FGD2: variants seen among roughly 807,000 people sequenced by gnomAD.
FGD2 encodes the protein FYVE, RhoGEF and PH domain containing 2.
Under a neutral mutation model 75.9 loss-of-function variants are expected in FGD2, and 52 were observed. The ratio of observed to expected loss-of-function variants is 0.69; its 90% confidence interval spans 0.55 to 0.86. The LOEUF (loss-of-function observed/expected upper bound fraction) is 0.86. Among genes scored for constraint, FGD2 ranks in the 40% least tolerant of loss-of-function variants. The pLI, the probability that FGD2 is intolerant of heterozygous loss-of-function variation, is 0.00. For synonymous variants in FGD2, 347 were observed against 348.6 expected, an observed-to-expected ratio of 1.00 and a Z score of 0.05; for missense variants, 790 against 872.0, an observed-to-expected ratio of 0.91 and a Z score of 1.18.
At chr6:37,027,774 C>G in intron 15 of FGD2, 174 bp from the exon 16 acceptor site, 1 of 1,018,050 alleles carries the variant, frequency 9.8e-7, no homozygotes, top group Non-Finnish European at 1.4e-6. Context: ...CTGCTTTGCC[C>G]TCAGAGGCAG....
rs763857898 is a variant in FGD2 at position 37,011,064 on chromosome 6, A to C, written c.378+14A>C. On this transcript the variant is annotated intron_variant, in intron 3 of 15. Transcript: ENST00000274963. ...CTGCTAGACCAGGCCAGTGACCAGG[A>C]CACCCCCCTCTAGAGCCCCAGCCCT... 1 of 1,613,648 alleles carries C rather than the reference A, an allele frequency of 6.2e-7. No individual in the cohort carries two copies. The highest frequency in any genetic ancestry group is 8.5e-7 in the Non-Finnish European group (1 of 1,179,670).
At chr6:37,024,761 T>C (rs1224398987) in intron 13 of FGD2, 1 of 152,246 alleles carries the variant, frequency 6.6e-6, no homozygotes, top group African/African-American at 2.4e-5. Context: ...TGGGTTTCTC[T>C]TGCCTGTGCA....
chr6:37,014,349 A>G lies in FGD2; in HGVS notation c.823+249A>G, dbSNP rs893647377. On this transcript the variant is annotated intron_variant, in intron 6 of 15. Transcript: ENST00000274963. ...AGAACTGGGATTTGAACCCATGCCTATGTGATACCAAAGCCCATGCTCCTT... is the reference window on the plus strand; with the variant it reads ...AGAACTGGGATTTGAACCCATGCCTGTGTGATACCAAAGCCCATGCTCCTT... 7.0e-5 allele frequency: 43 copies of G among 617,000 alleles called. No individual in the cohort carries two copies. In the African/African-American group the frequency reaches 7.6e-4, roughly 11 times the overall value. The allele number at this position is 617,000 out of a possible 1,614,324, so 38.2% of individuals were successfully genotyped here.
At chr6:37,014,767 C>T (rs1765195568) in intron 7 of FGD2, 63 bp downstream of exon 7, 3 of 1,610,642 alleles carry the variant, frequency 1.9e-6, no homozygotes, top group South Asian at 2.2e-5. Context: ...CCTGGTCCCA[C>T]CCATGACACC....
At chr6:37,020,888 ATGTG>A (rs58421270) in intron 11 of FGD2, 149 bp downstream of exon 11, 824 of 695,992 alleles carry the variant, frequency 1.2e-3, no homozygotes, top group Admixed American at 1.2e-3. Flanking sequence ...GTATGTATGC[ATGTG>A]TGTGTGTGTG....
intron 9 of FGD2, among the ~76,000 whole-genome samples, chr6:37,020,332 A>G (rs1447480940): frequency 2.0e-5 from 3 of 152,104 alleles, no homozygotes; most frequent in South Asian, 2.1e-4. Flanking sequence ...TCCAGGAGCC[A>G]TAGGTTCCAT....
chr6:37,022,084 C>T (rs1301891994), intron 12 of FGD2, 155 bp from the exon 13 acceptor site: 23 of 1,017,600 alleles, frequency 2.3e-5, no homozygotes, highest in African/African-American at 3.3e-5. Flanking sequence ...CATAAGGTCT[C>T]GATCAGGTCA....
intron 14 of FGD2, 79 bp downstream of exon 14, chr6:37,026,017 C>G (rs1765805526): frequency 2.6e-6 from 4 of 1,548,532 alleles, no homozygotes; most frequent in African/African-American, 2.7e-5. Flanking sequence ...TGGGCTGACA[C>G]TGTCCAGTGC....
chr6:37,022,112 G>GC lies in FGD2; in HGVS notation c.1327-123dup. ...TCAGGTCAGTCAGCTTGCTGTAGAA[G>GC]CCCCAGGGAAGCCCAACACAAAGAA... is the stretch of plus-strand genomic sequence containing the variant. On this transcript the variant is annotated intron_variant, in intron 12 of 15. Transcript: ENST00000274963. 3 of 1,307,026 alleles carry GC rather than the reference G, an allele frequency of 2.3e-6. No individual in the cohort carries two copies. The Admixed American group carries it at 9.0e-5, about 39-fold the overall frequency. The allele number at this position is 1,307,026 out of a possible 1,614,324, so 81.0% of individuals were successfully genotyped here. A position where few individuals can be genotyped will look rare whatever the true frequency, so the allele number is the denominator to read the frequency against.
chr6:37,014,265 G>A (rs918047910), intron 6 of FGD2, 165 bp downstream of exon 6: 9 of 854,708 alleles, frequency 1.1e-5, no homozygotes, highest in African/African-American at 1.0e-4. Context: ...CACAGATGAG[G>A]ACACTAAGGC....
intron 14 of FGD2, 122 bp downstream of exon 14, chr6:37,026,060 C>T: frequency 6.8e-7 from 1 of 1,475,648 alleles, no homozygotes; most frequent in Non-Finnish European, 9.0e-7. Flanking sequence ...CACACCCTCC[C>T]CCCTCTCCCT....
intron 1 of FGD2, 126 bp downstream of exon 1, chr6:37,006,011 G>A (rs1017921254): frequency 1.2e-5 from 13 of 1,055,958 alleles, no homozygotes; most frequent in East Asian, 7.7e-5. Context: ...CGCGTTCCTC[G>A]GTCACGGATT....
At chr6:37,018,492 C>T (rs1381128947) in intron 9 of FGD2, among the ~76,000 whole-genome samples, 1 of 152,204 alleles carries the variant, frequency 6.6e-6, no homozygotes, top group East Asian at 1.9e-4. Context: ...ACTCCCTGGC[C>T]TCCTCCTTCC....
Position 37,018,908 on chromosome 6 carries a change from C to T in FGD2, c.1123-1633C>T, listed in dbSNP as rs1050840349. Reference sequence around the variant, plus strand: ...ATGGACTAGCAGGGGACTGAATTGACCTAGCCCTGGGGAAAGTGGTTGAGG... The same window carrying T: ...ATGGACTAGCAGGGGACTGAATTGATCTAGCCCTGGGGAAAGTGGTTGAGG... On this transcript the variant is annotated intron_variant, in intron 9 of 15. Transcript: ENST00000274963. 5.3e-5 allele frequency among the ~76,000 whole-genome samples: 8 copies of T among 152,308 alleles called. No individual in the cohort carries two copies. The South Asian group carries it at 8.3e-4, about 16-fold the overall frequency.
chr6:37,021,497 C>T lies in FGD2; in HGVS notation c.1234-15C>T, dbSNP rs374808411. The stretch of plus-strand genomic sequence containing the variant: ...CACACCTCAAGCCCCGACCCTCCCC[C>T]TCCCTGCACCCCAGGCCTTCCAAGC... On this transcript the variant is annotated splice_polypyrimidine_tract_variant and intron_variant, in intron 11 of 15. Coordinates refer to ENST00000274963, the MANE Select transcript of FGD2 (RefSeq NM_173558.4). 4 of 1,610,708 alleles carry T rather than the reference C, an allele frequency of 2.5e-6. No individual in the cohort carries two copies. The highest frequency in any genetic ancestry group is 2.2e-5 in the East Asian group (1 of 44,832).
chr6:37,026,121 T>A, intron 14 of FGD2, 183 bp downstream of exon 14: 1 of 985,210 alleles, frequency 1.0e-6, no homozygotes, highest in Non-Finnish European at 1.2e-6. Flanking sequence ...GCCCAGGCAG[T>A]GTGGAGCCTG....
chr6:37,016,498 C>T (rs1239863533), intron 9 of FGD2, among the ~76,000 whole-genome samples: 1 of 151,672 alleles, frequency 6.6e-6, no homozygotes, highest in Non-Finnish European at 1.5e-5. Flanking sequence ...ATCCTCCTAA[C>T]AGCCCCATGA....
At chr6:37,016,126 T>C (rs1034047646) in intron 9 of FGD2, among the ~76,000 whole-genome samples, 4 of 152,326 alleles carry the variant, frequency 2.6e-5, no homozygotes, top group Admixed American at 2.0e-4. Flanking sequence ...CTACTGTTTA[T>C]ACCACTGCTT....
chr6:37,013,382 T>C (rs1765114916), intron 4 of FGD2: 4 of 1,299,726 alleles, frequency 3.1e-6, no homozygotes, highest in Non-Finnish European at 4.0e-6. Context: ...TGCCGGGCCT[T>C]GTGGATGAGG....
Sources: gnomAD v4.1 joint callset for allele counts (sites outside exome capture counted in the v4.1 genomes callset) on GRCh38, gnomAD v4.1.1 for gene constraint, MANE v1.5 for transcripts, NCBI Gene and HGNC (gene_info 2026-07-23, HGNC 2026-07-21) for gene names.